Variants in MET observed in about 807,000 individuals in gnomAD.
MET encodes the protein hepatocyte growth factor receptor.
A neutral mutation model predicts 133.1 loss-of-function variants in MET; 48 were observed. That is an observed-to-expected ratio of 0.36 (90% CI 0.29 to 0.46). The LOEUF is 0.46. Among genes scored for constraint, MET ranks in the 20% least tolerant of loss-of-function variants. The pLI is 1.00. For synonymous variants in MET, 628 were observed against 616.5 expected (o/e 1.02, Z -0.28); for missense variants, 1,442 against 1,695.9 (o/e 0.85, Z 2.63).
chr7:116,725,527 C>G (rs1440413164), intron 2 of MET, among the ~76,000 whole-genome samples: 1 of 150,056 alleles, frequency 6.7e-6, no homozygotes, highest in African/African-American at 2.4e-5. Context: ...GCATTGCTTG[C>G]ATTCTGAGAA....
At chr7:116,778,678 T>C in intron 16 of MET, 98 bp from the exon 17 acceptor site, 1 of 1,243,560 alleles carries the variant, frequency 8.0e-7, no homozygotes, top group Non-Finnish European at 1.2e-6. Flanking sequence ...AGATGCTAAC[T>C]GTGTGGTTTA....
chr7:116,771,821 CA>C, intron 13 of MET, 27 bp from the exon 14 acceptor site: 5 of 1,613,670 alleles, frequency 3.1e-6, no homozygotes, highest in Non-Finnish European at 4.2e-6. Context: ...CCGTCTTTAA[CA>C]AGCTCTTTCT....
intron 6 of MET, among the ~76,000 whole-genome samples, chr7:116,756,090 A>G (rs1349945025): frequency 1.3e-5 from 2 of 152,200 alleles, no homozygotes; most frequent in Non-Finnish European, 2.9e-5. Context: ...TTCCTATAAT[A>G]TAAAAGAGGT....
chr7:116,795,981 T>C lies in MET; in HGVS notation c.4030T>C (p.Phe1344Leu). The C allele has an allele frequency of 6.2e-7, 1 of 1,614,140 alleles. No homozygotes were observed. The highest frequency in any genetic ancestry group is 8.5e-7 in the Non-Finnish European group (1 of 1,180,000). ...CCGGATATCAGCGATCTTCTCTACT[T>C]TCATTGGGGAGCACTATGTCCATGT... The part of the protein sequence containing the change: ...VSRISAIFST[F>L]IGEHYVHVNA... Residue 1344 changes from phenylalanine (F) to leucine (L), a missense_variant, in exon 21 of 21, where the codon TTC becomes CTC. Physicochemically the swap from Phe to Leu is conservative, Grantham distance 22. Around this residue, in one of 6 missense-constraint regions of MET, gnomAD observed 94 missense variants for 109.5 expected, o/e 0.86. Transcript: ENST00000397752.
intron 3 of MET, among the ~76,000 whole-genome samples, chr7:116,733,027 C>T (rs1793077247): frequency 6.6e-6 from 1 of 152,084 alleles, no homozygotes; most frequent in South Asian, 2.1e-4. Context: ...CTTTTCTCCC[C>T]CTTTCCTCTG....
chr7:116,744,904 A>T (rs1456765623), intron 5 of MET, among the ~76,000 whole-genome samples: 1 of 152,186 alleles, frequency 6.6e-6, no homozygotes, highest in African/African-American at 2.4e-5. Flanking sequence ...CTCCTATTCA[A>T]CATAGTGTTG....
intron 3 of MET, 138 bp downstream of exon 3, chr7:116,731,997 A>T: frequency 1.2e-6 from 1 of 817,302 alleles, no homozygotes; most frequent in South Asian, 1.5e-5. Flanking sequence ...ACTGAAAGCC[A>T]AACAATGAAG....
rs2116836401 is a variant in MET, at chr7:116,740,958, G to A, written c.1634G>A (p.Cys545Tyr). The change falls in exon 5 of 21, where the codon TGT becomes TAT. Residue 545 changes from cysteine to tyrosine, a missense_variant. Physicochemically the swap from Cys to Tyr is radical, Grantham distance 194 (BLOSUM62 -2). Transcript: ENST00000397752. ...CAGTGTGGCTGGTGCCACGACAAAT[G>A]TGTGCGATCGGAGGAATGCCTGAGC... ...FVQCGWCHDK[C>Y]VRSEECLSGT... 2 of 1,614,050 alleles carry A rather than the reference G, an allele frequency of 1.2e-6. No individual in the cohort carries two copies. The highest frequency in any genetic ancestry group is 1.7e-6 in the Non-Finnish European group (2 of 1,180,018).
rs750584257 is a variant in MET, at chr7:116,740,968, G to A, written c.1644G>A (p.Ser548=). ...GGTGCCACGACAAATGTGTGCGATCGGAGGAATGCCTGAGCGGGACATGGA... is the reference window on the plus strand; with the variant it reads ...GGTGCCACGACAAATGTGTGCGATCAGAGGAATGCCTGAGCGGGACATGGA... ...CGWCHDKCVR[S]EECLSGTWTQ... Residue 548 remains serine, a synonymous_variant, in exon 5 of 21, where the codon TCG becomes TCA. Coordinates refer to ENST00000397752, the MANE Select transcript of MET (RefSeq NM_000245.4). 5.6e-6 allele frequency: 9 copies of A among 1,614,016 alleles called. No individual in the cohort carries two copies. Among genetic ancestry groups the A allele is most frequent in the Admixed American group, 5.0e-5 (3 of 60,006 alleles).
chr7:116,777,425 A>G lies in MET; in HGVS notation c.3296A>G (p.Asp1099Gly), dbSNP rs780431412. Reference sequence around the variant, plus strand: ...TGTGTATATCATGGGACTTTGTTGGACAATGATGGCAAGAAAATTCACTGT... The same window carrying G: ...TGTGTATATCATGGGACTTTGTTGGGCAATGATGGCAAGAAAATTCACTGT... Reference protein sequence around the residue: ...FGCVYHGTLLDNDGKKIHCAV... With the variant: ...FGCVYHGTLLGNDGKKIHCAV... Residue 1099 changes from aspartate (D) to glycine (G), a missense_variant, in exon 16 of 21, where the codon GAC becomes GGC. Physicochemically the swap from Asp to Gly is moderately conservative, Grantham distance 94. Coordinates refer to ENST00000397752, the MANE Select transcript of MET (RefSeq NM_000245.4). 3.1e-6 allele frequency: 5 copies of G among 1,613,908 alleles called. No homozygotes were observed. The South Asian group carries it at 3.3e-5, about 11-fold the overall frequency.
intron 1 of MET, among the ~76,000 whole-genome samples, chr7:116,684,102 C>T (rs1274950946): frequency 1.3e-5 from 2 of 152,164 alleles, no homozygotes; most frequent in South Asian, 2.1e-4. Context: ...CAACTAATTA[C>T]TTTTACCCTC....
intron 19 of MET, among the ~76,000 whole-genome samples, chr7:116,790,169 TAC>T (rs1327940479): frequency 6.6e-6 from 1 of 152,216 alleles, no homozygotes; most frequent in African/African-American, 2.4e-5. Context: ...CATTTTTAAA[TAC>T]ACAGTACAGT....
chr7:116,709,173 T>A (rs1487466833), intron 2 of MET, among the ~76,000 whole-genome samples: 3 of 152,196 alleles, frequency 2.0e-5, no homozygotes, highest in Non-Finnish European at 4.4e-5. Context: ...TTATAGGCAA[T>A]GCCTTCATCT....
chr7:116,718,048 A>G (rs1455092032), intron 2 of MET, among the ~76,000 whole-genome samples: 1 of 152,196 alleles, frequency 6.6e-6, no homozygotes, highest in East Asian at 1.9e-4. Flanking sequence ...GACAGTATAT[A>G]AGACTTTGGG....
intron 12 of MET, among the ~76,000 whole-genome samples, chr7:116,771,154 G>A (rs984060325): frequency 1.3e-5 from 2 of 152,128 alleles, no homozygotes; most frequent in Non-Finnish European, 2.9e-5. Flanking sequence ...TTACTGTTTA[G>A]TCATACTTCT....
chr7:116,771,925 T>C lies in MET; in HGVS notation c.2964T>C (p.Ser988=), dbSNP rs1554398401. ...PHLDRLVSAR[S]VSPTTEMVSN... ...TGGATAGGCTTGTAAGTGCCCGAAGTGTAAGCCCAACTACAGAAATGGTTT... is the reference window on the plus strand; with the variant it reads ...TGGATAGGCTTGTAAGTGCCCGAAGCGTAAGCCCAACTACAGAAATGGTTT... The change falls in exon 14 of 21, where the codon AGT becomes AGC. Residue 988 remains serine (S), a synonymous_variant. Transcript: ENST00000397752. The C allele has an allele frequency of 6.2e-7, 1 of 1,613,940 alleles. No individual in the cohort carries two copies. The highest frequency in any genetic ancestry group is 8.5e-7 in the Non-Finnish European group (1 of 1,179,886).
At chr7:116,754,152 T>TAATGAATGAATG in intron 5 of MET, among the ~76,000 whole-genome samples, 1 of 151,994 alleles carries the variant, frequency 6.6e-6, no homozygotes, top group Middle Eastern at 3.4e-3. Flanking sequence ...AATAAGTAAA[T>TAATGAATGAATG]AATGAATGAA....
chr7:116,754,987 A>AGAAAGAAAGAAAGAAG (rs1794106907), intron 5 of MET, among the ~76,000 whole-genome samples: 2 of 136,278 alleles, frequency 1.5e-5, no homozygotes, highest in South Asian at 4.8e-4. Context: ...GAGAAAGGAA[A>AGAAAGAAAGAAAGAAG]GAAAGAAAGA....
At chr7:116,731,888 T>A (rs2116785189) in intron 3 of MET, 29 bp downstream of exon 3, 1 of 1,606,480 alleles carries the variant, frequency 6.2e-7, no homozygotes, top group Non-Finnish European at 8.5e-7. Flanking sequence ...TAGCTGTGTC[T>A]GTTCTATCTG....
Sources: allele counts gnomAD v4.1 joint callset (sites outside exome capture counted in the v4.1 genomes callset), GRCh38; gene constraint gnomAD v4.1.1; regional missense constraint gnomAD v4.1.1; transcripts MANE v1.5; gene names NCBI Gene and HGNC (gene_info 2026-07-23, HGNC 2026-07-21).